TCEA1: variants seen among roughly 807,000 people sequenced by gnomAD.
The protein encoded by TCEA1 is transcription elongation factor A protein 1.
A neutral mutation model predicts 43.8 loss-of-function variants in TCEA1; 21 were observed. The observed-to-expected ratio is 0.48, with a 90% confidence interval of 0.34 to 0.69. TCEA1 has a LOEUF of 0.69. Ranked by LOEUF, TCEA1 falls within the 30% of genes least tolerant of loss-of-function variation. The pLI, the probability that TCEA1 is intolerant of heterozygous loss-of-function variation, is 0.01. For missense variants in TCEA1, 250 were observed against 365.1 expected (o/e 0.68, Z 2.57); for synonymous variants, 104 against 117.5 (o/e 0.88, Z 0.75).
rs1050319801 is a variant in TCEA1, at chr8:54,022,413, G to C, written c.-288C>G. ...GGGCGAGCCCATGTTCCCGCCAGGCGGGCGTCGGGCTAGTGGGCAGGCGTG... is the reference window on the plus strand; with the variant it reads ...GGGCGAGCCCATGTTCCCGCCAGGCCGGCGTCGGGCTAGTGGGCAGGCGTG... On this transcript the variant is annotated 5_prime_UTR_variant, in exon 1 of 10. Coordinates refer to ENST00000521604, the MANE Select transcript of TCEA1 (RefSeq NM_006756.4). 1.0e-5 allele frequency: 5 copies of C among 480,066 alleles called. No homozygotes were observed. Among genetic ancestry groups the C allele is most frequent in the Non-Finnish European group, 1.8e-5 (5 of 270,706 alleles). 29.7% of individuals were successfully genotyped at this position (480,066 alleles called of 1,614,324 possible).
At chr8:53,985,023 T>C (rs924680395) in intron 6 of TCEA1, among the ~76,000 whole-genome samples, 4 of 152,108 alleles carry the variant, frequency 2.6e-5, no homozygotes, top group Non-Finnish European at 2.9e-5. Flanking sequence ...CACTGTAAAG[T>C]AGTTGTTTGT....
At chr8:53,981,018 C>T (rs2129301239) in intron 7 of TCEA1, among the ~76,000 whole-genome samples, 1 of 152,310 alleles carries the variant, frequency 6.6e-6, no homozygotes, top group Non-Finnish European at 1.5e-5. Flanking sequence ...AAACCAACCA[C>T]AACATTCCCT....
At chr8:53,983,555 GAGCAGGAGAATCTGA>G (rs1445530140) in intron 7 of TCEA1, among the ~76,000 whole-genome samples, 70 of 152,206 alleles carry the variant, frequency 4.6e-4, no homozygotes, top group African/African-American at 1.5e-3. Flanking sequence ...GAGATTACAG[GAGCAGGAGAATCTGA>G]AGCAGGAGAA....
chr8:53,976,747 TTAAGA>T (rs1803345594), intron 8 of TCEA1, among the ~76,000 whole-genome samples: 1 of 152,216 alleles, frequency 6.6e-6, no homozygotes, highest in Non-Finnish European at 1.5e-5. Context: ...ATTTTTATTG[TTAAGA>T]TATTTCTACC....
rs1255949404 is a variant in TCEA1 at position 53,986,976 on chromosome 8, A to G, written c.516T>C (p.Ile172=). The G allele has an allele frequency of 1.3e-6, 2 of 1,595,116 alleles. No individual in the cohort carries two copies. The highest frequency in any genetic ancestry group is 1.7e-6 in the Non-Finnish European group (2 of 1,171,254). The stretch of plus-strand genomic sequence containing the variant: ...TATACACACAAAGGATATCTTCTTC[A>G]ATTTGAGATCCTAATTCTTCCTCAT... ...GADEEELGSQ[I]EEAIYQEIRN... The change falls in exon 6 of 10, where the codon ATT becomes ATC. Residue 172 remains isoleucine, a synonymous_variant. Coordinates refer to ENST00000521604, the MANE Select transcript of TCEA1 (RefSeq NM_006756.4).
intron 1 of TCEA1, among the ~76,000 whole-genome samples, chr8:54,017,646 C>A (rs1308257714): frequency 6.6e-6 from 1 of 152,082 alleles, no homozygotes; most frequent in Non-Finnish European, 1.5e-5. Context: ...AAAGGCTGGG[C>A]TCAGTGGCTC....
chr8:53,974,326 A>G (rs7014036), intron 8 of TCEA1: 24,993 of 152,198 alleles, frequency 0.16, 5,795 homozygotes, highest in African/African-American at 0.52. Flanking sequence ...ATCTCATTCT[A>G]AACATAGTAA....
At chr8:53,984,783 T>C (rs1325576776) in intron 6 of TCEA1, among the ~76,000 whole-genome samples, 1 of 151,406 alleles carries the variant, frequency 6.6e-6, no homozygotes, top group East Asian at 2.0e-4. Flanking sequence ...CTCGGGAGGC[T>C]GAGGCAGGAC....
intron 3 of TCEA1, among the ~76,000 whole-genome samples, chr8:53,994,555 C>T (rs1291936908): frequency 6.6e-6 from 1 of 151,950 alleles, no homozygotes; most frequent in African/African-American, 2.4e-5. Context: ...TAAAGTAATA[C>T]AGAGTGCACA....
At chr8:54,000,213 T>G (rs1024648079) in intron 2 of TCEA1, among the ~76,000 whole-genome samples, 163 bp from the exon 3 acceptor site, 4 of 152,214 alleles carry the variant, frequency 2.6e-5, no homozygotes, top group African/African-American at 9.6e-5. Flanking sequence ...GATACATACA[T>G]CTTCAGATCA....
intron 1 of TCEA1, among the ~76,000 whole-genome samples, chr8:54,013,696 A>AC (rs1314389269): frequency 6.8e-5 from 10 of 147,966 alleles, no homozygotes; most frequent in East Asian, 3.9e-4. Context: ...AAAAAAAAAA[A>AC]AAAAAACAAA....
intron 6 of TCEA1, among the ~76,000 whole-genome samples, chr8:53,984,868 G>A (rs1441090411): frequency 1.3e-5 from 2 of 151,246 alleles, no homozygotes; most frequent in African/African-American, 4.9e-5. Context: ...GGCGACAGAG[G>A]GACACTCCAT....
intron 8 of TCEA1, among the ~76,000 whole-genome samples, chr8:53,975,603 T>C (rs1211774139): frequency 6.6e-5 from 10 of 152,120 alleles, no homozygotes. Flanking sequence ...AGATAAACCT[T>C]GCAGATATTA....
intron 8 of TCEA1, chr8:53,972,163 A>T (rs1803176590): frequency 3.2e-6 from 1 of 309,168 alleles, no homozygotes; most frequent in Non-Finnish European, 6.3e-6. Context: ...AACTCAACAG[A>T]CAGTAAAATG....
Position 53,987,967 on chromosome 8 carries a change from G to GT in TCEA1, c.466+146dup, listed in dbSNP as rs146212821. 1.6e-3 allele frequency: 1,498 copies of GT among 916,104 alleles called. 14 individuals carry two copies. In the African/African-American group the frequency reaches 0.02, roughly 12 times the overall value. 56.7% of individuals were successfully genotyped at this position (916,104 alleles called of 1,614,324 possible). A position where few individuals can be genotyped will look rare whatever the true frequency, so the allele number is the denominator to read the frequency against. On this transcript the variant is annotated intron_variant, in intron 5 of 9. Transcript: ENST00000521604. ...TCCTCCTCTCCCCCTTAACAGACCC[G>GT]TATCAGCAACAACTTCTCCCCAAGC...
intron 8 of TCEA1, 75 bp downstream of exon 8, chr8:53,978,950 T>C (rs1191964396): frequency 6.8e-6 from 10 of 1,466,870 alleles, no homozygotes; most frequent in Non-Finnish European, 8.3e-6. Flanking sequence ...CTGGTAATTA[T>C]CTTTGCTATT....
intron 8 of TCEA1, chr8:53,973,526 A>C (rs940642147): frequency 1.9e-6 from 1 of 514,738 alleles, no homozygotes; most frequent in African/African-American, 2.0e-5. Flanking sequence ...AAAAGATGGC[A>C]CATCTCCAGA....
intron 2 of TCEA1, among the ~76,000 whole-genome samples, chr8:54,002,193 C>T (rs541828931): frequency 2.7e-5 from 4 of 145,726 alleles, no homozygotes; most frequent in South Asian, 4.5e-4. Context: ...AAAAAAAGGG[C>T]GGGTATGGTG....
At chr8:53,973,652 C>CAAAAAGAAG in intron 8 of TCEA1, 1 of 548,628 alleles carries the variant, frequency 1.8e-6, no homozygotes, top group Admixed American at 2.3e-5. Flanking sequence ...AGAACCTGAG[C>CAAAAAGAAG]AAAAAGAAGA....
Sources: gnomAD v4.1 joint callset for allele counts (sites outside exome capture counted in the v4.1 genomes callset) on GRCh38, gnomAD v4.1.1 for gene constraint, MANE v1.5 for transcripts, NCBI Gene and HGNC (gene_info 2026-07-23, HGNC 2026-07-21) for gene names.